The following SLC41A2 variants were observed in gnomAD, a reference collection of about 807,000 sequenced individuals.
The protein encoded by SLC41A2 is solute carrier family 41 member 2, also known as SLC41A1-like 1.
A neutral mutation model predicts 58.3 loss-of-function variants in SLC41A2; 32 were observed. That is an observed-to-expected ratio of 0.55 (90% CI 0.41 to 0.74). The LOEUF is 0.74. SLC41A2 is among the 30% of genes least tolerant of loss of function. SLC41A2 has a pLI of 0.00. For missense variants in SLC41A2, 514 were observed against 680.6 expected, an observed-to-expected ratio of 0.76 and a Z score of 2.72; for synonymous variants, 190 against 235.0, an observed-to-expected ratio of 0.81 and a Z score of 1.75.
chr12:104,878,827 C>T (rs112661209), intron 6 of SLC41A2, among the ~76,000 whole-genome samples: 27 of 152,298 alleles, frequency 1.8e-4, no homozygotes, highest in Admixed American at 7.8e-4. Context: ...GGTATATACC[C>T]AGTAATGGGA....
chr12:104,851,643 C>G (rs2042804787), intron 8 of SLC41A2, among the ~76,000 whole-genome samples: 1 of 152,140 alleles, frequency 6.6e-6, no homozygotes, highest in South Asian at 2.1e-4. Context: ...CTGCCTAGGC[C>G]TCCCAAAACA....
At position 104,934,949 on chromosome 12, in the gene SLC41A2, G is replaced by GT. The variant is rs201510964; in HGVS notation, c.-167-6256dup. On this transcript the variant is annotated intron_variant, in intron 1 of 10. Coordinates refer to ENST00000258538, the MANE Select transcript of SLC41A2 (RefSeq NM_001352171.3). ...AGTTAGACTGGGAAAGAAAGTTTTT[G>GT]TTTTTTTTGTTTGTTTGTTTGTTTT... 2.8e-3 allele frequency among the ~76,000 whole-genome samples: 418 copies of GT among 151,574 alleles called. 4 individuals carry two copies. The highest frequency in any genetic ancestry group is 8.7e-3 in the African/African-American group (358 of 41,374).
chr12:104,899,597 G>A (rs2045461378), intron 3 of SLC41A2, among the ~76,000 whole-genome samples: 1 of 152,146 alleles, frequency 6.6e-6, no homozygotes, highest in African/African-American at 2.4e-5. Context: ...TACCTGTGCA[G>A]TTTAAACAAA....
At chr12:104,922,396 C>A (rs2046638474) in intron 2 of SLC41A2, among the ~76,000 whole-genome samples, 1 of 151,808 alleles carries the variant, frequency 6.6e-6, no homozygotes, top group South Asian at 2.1e-4. Flanking sequence ...GAATAGACTA[C>A]AAATCAAAGA....
chr12:104,904,852 C>G (rs1464240440), intron 3 of SLC41A2, among the ~76,000 whole-genome samples: 1 of 152,088 alleles, frequency 6.6e-6, no homozygotes, highest in African/African-American at 2.4e-5. Flanking sequence ...ATAAAAGCAG[C>G]GTGGACCCAA....
chr12:104,878,839 C>T (rs549790089), intron 6 of SLC41A2, among the ~76,000 whole-genome samples: 1 of 152,094 alleles, frequency 6.6e-6, no homozygotes, highest in East Asian at 1.9e-4. Context: ...GTAATGGGAT[C>T]GCTGGGTCAA....
chr12:104,926,589 A>AATAAAT (rs1383685658), intron 2 of SLC41A2, among the ~76,000 whole-genome samples: 3 of 150,732 alleles, frequency 2.0e-5, no homozygotes, highest in Admixed American at 6.6e-5. Context: ...CTGCGCCTTA[A>AATAAAT]AAAAAATAAA....
chr12:104,889,072 T>C lies in SLC41A2; in HGVS notation c.841A>G (p.Ser281Gly). The C allele has an allele frequency of 6.2e-7, 1 of 1,607,922 alleles. No homozygotes were observed. Among genetic ancestry groups the C allele is most frequent in the Non-Finnish European group, 8.5e-7 (1 of 1,178,580 alleles). The change falls in exon 5 of 11, where the codon AGC (serine) becomes GGC (glycine). Residue 281 changes from serine (S) to glycine (G), a missense_variant. Coordinates refer to ENST00000258538, the MANE Select transcript of SLC41A2 (RefSeq NM_001352171.3). ...GCAATGAAGGCAGTTGCCACACTGC[T>C]AGAGCACAGAAGTATGGAATGATCA... ...YLDHSILLCS[S>G]SVATAFIASL...
chr12:104,835,167 C>A (rs192715269), intron 10 of SLC41A2, among the ~76,000 whole-genome samples: 41 of 152,234 alleles, frequency 2.7e-4, no homozygotes, highest in African/African-American at 9.6e-4. Context: ...AGTCTTAGCC[C>A]CTTTATACAG....
At chr12:104,948,486 T>C (rs1023894734) in intron 1 of SLC41A2, among the ~76,000 whole-genome samples, 2 of 152,216 alleles carry the variant, frequency 1.3e-5, no homozygotes, top group African/African-American at 4.8e-5. Context: ...TTATATATAC[T>C]GACCTCATTT....
At chr12:104,940,393 T>C (rs911164528) in intron 1 of SLC41A2, among the ~76,000 whole-genome samples, 2 of 151,802 alleles carry the variant, frequency 1.3e-5, no homozygotes, top group Non-Finnish European at 2.9e-5. Flanking sequence ...ATATACCTAC[T>C]GTTAAATGAC....
intron 10 of SLC41A2, among the ~76,000 whole-genome samples, chr12:104,842,124 T>G (rs1447109627): frequency 6.6e-6 from 1 of 152,046 alleles, no homozygotes; most frequent in Non-Finnish European, 1.5e-5. Context: ...TGGTGAAAGA[T>G]TCTTTGTCTT....
chr12:104,831,856 C>T (rs370827261), intron 10 of SLC41A2, among the ~76,000 whole-genome samples: 3 of 152,040 alleles, frequency 2.0e-5, no homozygotes, highest in Non-Finnish European at 2.9e-5. Flanking sequence ...ATATCAGAAT[C>T]GAAATGAAGA....
intron 9 of SLC41A2, among the ~76,000 whole-genome samples, chr12:104,845,232 A>G (rs1331330111): frequency 6.6e-6 from 1 of 152,166 alleles, no homozygotes; most frequent in Non-Finnish European, 1.5e-5. Context: ...TTTGAGGTGC[A>G]GTGAGCTGTG....
Position 104,805,179 on chromosome 12 carries a change from T to C in SLC41A2, c.1695A>G (p.Gly565=). 1 of 1,610,962 alleles carries C rather than the reference T, an allele frequency of 6.2e-7. No homozygotes were observed. The highest frequency in any genetic ancestry group is 1.3e-5 in the African/African-American group (1 of 74,852). Reference sequence around the variant, plus strand: ...AGTCTCCAACATCTCCATCTCGATCTCCAATAAGCCAAAGAAAATGAAAAC... The same window carrying C: ...AGTCTCCAACATCTCCATCTCGATCCCCAATAAGCCAAAGAAAATGAAAAC... ...ALSFHFLWLI[G]DRDGDVGD The change falls in exon 11 of 11, where the codon GGA becomes GGG. Residue 565 remains glycine, a synonymous_variant. Coordinates refer to ENST00000258538, the MANE Select transcript of SLC41A2 (RefSeq NM_001352171.3).
intron 6 of SLC41A2, among the ~76,000 whole-genome samples, chr12:104,882,145 T>G (rs138941951): frequency 0.015 from 2,265 of 150,480 alleles, 69 homozygotes; most frequent in African/African-American, 0.052. Context: ...AACCCCTGCT[T>G]TTTTTTTTGT....
At chr12:104,831,444 G>A (rs1178132120) in intron 10 of SLC41A2, among the ~76,000 whole-genome samples, 1 of 152,068 alleles carries the variant, frequency 6.6e-6, no homozygotes, top group African/African-American at 2.4e-5. Context: ...TCCAAATAAT[G>A]ACATTTCTGT....
At chr12:104,891,634 TAAAAGAGGAAAG>T (rs1405783473) in intron 4 of SLC41A2, among the ~76,000 whole-genome samples, 1 of 151,694 alleles carries the variant, frequency 6.6e-6, no homozygotes, top group African/African-American at 2.4e-5. Flanking sequence ...TAATGATATT[TAAAAGAGGAAAG>T]AGACTTTCAC....
chr12:104,853,926 T>TTATTTTTTTTTTTA (rs2042916495), intron 8 of SLC41A2, among the ~76,000 whole-genome samples: 1 of 118,850 alleles, frequency 8.4e-6, no homozygotes, highest in African/African-American at 3.1e-5. Context: ...TTTTTTTTTT[T>TTATTTTTTTTTTTA]TTTTTTTTTT....
Sources: allele counts gnomAD v4.1 joint callset (sites outside exome capture counted in the v4.1 genomes callset), GRCh38; gene constraint gnomAD v4.1.1; transcripts MANE v1.5; gene names NCBI Gene and HGNC (gene_info 2026-07-23, HGNC 2026-07-21).